Variants in ADIG observed in about 807,000 individuals in gnomAD.
ADIG encodes the protein adipogenesis associated.
ADIG carries 12 observed loss-of-function variants against 10.7 expected under a neutral mutation model. The observed-to-expected ratio is 1.12, with a 90% confidence interval of 0.72 to 1.82. ADIG has a LOEUF of 1.82. Ranked by LOEUF, ADIG falls within the 40% of genes most tolerant of loss-of-function variation. The probability of loss-of-function intolerance (pLI) is 0.00; values close to 1 mark genes in which losing one functional copy is unlikely to be tolerated. For synonymous variants in ADIG, 32 were observed against 35.6 expected (o/e 0.90, Z 0.36); for missense variants, 72 against 92.5 (o/e 0.78, Z 0.91).
chr20:38,586,534 C>T (rs2088638625), intron 2 of ADIG, among the ~76,000 whole-genome samples: 1 of 152,136 alleles, frequency 6.6e-6, no homozygotes, highest in Admixed American at 6.5e-5. Flanking sequence ...GTCCCACTGG[C>T]CACCCTATTC....
chr20:38,582,142 G>A (rs1273332459), intron 1 of ADIG, among the ~76,000 whole-genome samples: 2 of 152,188 alleles, frequency 1.3e-5, no homozygotes, highest in African/African-American at 4.8e-5. Context: ...GGACACAGTG[G>A]CTCACACCTG....
intron 1 of ADIG, among the ~76,000 whole-genome samples, chr20:38,582,653 G>A (rs923659427): frequency 3.3e-5 from 5 of 152,178 alleles, no homozygotes; most frequent in African/African-American, 9.7e-5. Flanking sequence ...TTTATTTAAA[G>A]TATATTCTCC....
rs936142518 is a variant in ADIG, at chr20:38,581,428, G to A, written c.124+54G>A. The A allele has an allele frequency of 1.7e-5, 27 of 1,609,924 alleles. No homozygotes were observed. In the Admixed American group the frequency reaches 2.0e-4, roughly 12 times the overall value. On this transcript the variant is annotated intron_variant, in intron 1 of 2. Transcript: ENST00000537425. ...CCCTAATCCTGGAGCTAGGCAGGGG[G>A]CCAAATAGGCCAGTGTGTCCTGAAA...
intron 2 of ADIG, 181 bp downstream of exon 2, chr20:38,586,342 C>A (rs1189820171): frequency 1.7e-6 from 1 of 587,688 alleles, no homozygotes; most frequent in Non-Finnish European, 3.0e-6. Context: ...CCTGGTGTTG[C>A]CCTGTTAAAG....
chr20:38,584,775 CCTA>C (rs1266586018), intron 1 of ADIG, among the ~76,000 whole-genome samples: 2 of 152,120 alleles, frequency 1.3e-5, no homozygotes, highest in Non-Finnish European at 2.9e-5. Context: ...TTCACGCTAT[CCTA>C]CTGACTTTTT....
chr20:38,585,802 C>T (rs369468905), intron 1 of ADIG: 15 of 608,182 alleles, frequency 2.5e-5, no homozygotes, highest in African/African-American at 7.4e-5. Flanking sequence ...CCTCTAGATA[C>T]GGCCATTTTC....
intron 1 of ADIG, among the ~76,000 whole-genome samples, chr20:38,582,506 ATGT>A (rs1298338396): frequency 3.3e-5 from 5 of 152,184 alleles, no homozygotes; most frequent in Admixed American, 2.0e-4. Context: ...CAATGGTCAG[ATGT>A]TGTTGAGGCA....
intron 1 of ADIG, among the ~76,000 whole-genome samples, chr20:38,581,945 C>T (rs2088594616): frequency 6.6e-6 from 1 of 152,224 alleles, no homozygotes; most frequent in Non-Finnish European, 1.5e-5. Context: ...TCATGGAAGC[C>T]AGCTGACATT....
rs766608262 is a variant in ADIG at position 38,588,336 on chromosome 20, C to T, written c.*250C>T. The T allele has an allele frequency of 4.8e-5, 63 of 1,303,334 alleles. No individual in the cohort carries two copies. Among genetic ancestry groups the T allele is most frequent in the Non-Finnish European group, 6.0e-5 (59 of 988,522 alleles). 80.7% of individuals were successfully genotyped at this position (1,303,334 alleles called of 1,614,324 possible). A position where few individuals can be genotyped will look rare whatever the true frequency, so the allele number is the denominator to read the frequency against. ...TCTGGGAGGGCATGGGAGCAGTGAG[C>T]AGGCCCATGGGGAGAAATTGGCCAA... On this transcript the variant is annotated 3_prime_UTR_variant, in exon 3 of 3. Coordinates refer to ENST00000537425, the MANE Select transcript of ADIG (RefSeq NM_001393816.1).
intron 1 of ADIG, among the ~76,000 whole-genome samples, chr20:38,584,339 A>G (rs1369853852): frequency 3.3e-5 from 5 of 152,204 alleles, no homozygotes; most frequent in African/African-American, 9.6e-5. Flanking sequence ...GAAGCCACAC[A>G]CACCCTTCAA....
rs556927650 is a variant in ADIG at position 38,586,224 on chromosome 20, A to G, written c.*14+63A>G. The G allele has an allele frequency of 7.8e-5, 107 of 1,377,450 alleles. No individual in the cohort carries two copies. The East Asian group carries it at 2.4e-3, about 30-fold the overall frequency. The allele number at this position is 1,377,450 out of a possible 1,614,324, so 85.3% of individuals were successfully genotyped here. ...CCACCCAAAGCCTTGGGCAGCTGCT[A>G]TGTGGGCAAGAGGCTGCCTCCACCA... On this transcript the variant is annotated intron_variant, in intron 2 of 2. Coordinates refer to ENST00000537425, the MANE Select transcript of ADIG (RefSeq NM_001393816.1).
chr20:38,587,443 C>A (rs1415555103), intron 2 of ADIG, among the ~76,000 whole-genome samples: 1 of 152,124 alleles, frequency 6.6e-6, no homozygotes, highest in East Asian at 1.9e-4. Context: ...CCTATGAATG[C>A]CCTCAGAGAT....
At chr20:38,581,403 C>T (rs776261368) in intron 1 of ADIG, 29 bp downstream of exon 1, 1 of 1,613,344 alleles carries the variant, frequency 6.2e-7, no homozygotes, top group East Asian at 2.2e-5. Context: ...CCAGGCAGGA[C>T]CCTAATCCTG....
At chr20:38,585,166 C>T (rs2088625493) in intron 1 of ADIG, among the ~76,000 whole-genome samples, 2 of 152,218 alleles carry the variant, frequency 1.3e-5, no homozygotes, top group South Asian at 2.1e-4. Context: ...CTTCGGTTAA[C>T]CCTCATCCTA....
intron 1 of ADIG, 107 bp downstream of exon 1, chr20:38,581,481 A>G: frequency 1.4e-6 from 2 of 1,481,346 alleles, no homozygotes; most frequent in Non-Finnish European, 1.8e-6. Context: ...TCCTTCAGTC[A>G]TTTTAAGTGC....
At chr20:38,582,816 T>A (rs987979790) in intron 1 of ADIG, among the ~76,000 whole-genome samples, 2 of 152,062 alleles carry the variant, frequency 1.3e-5, no homozygotes, top group African/African-American at 2.4e-5. Context: ...TCATCCTTTT[T>A]TTTTTATTTT....
intron 1 of ADIG, chr20:38,585,398 C>G: frequency 6.5e-7 from 1 of 1,547,272 alleles, no homozygotes; most frequent in Non-Finnish European, 8.7e-7. Flanking sequence ...CAAAAAGATC[C>G]TACATTTCTT....
At chr20:38,584,522 CCT>C (rs1035305145) in intron 1 of ADIG, among the ~76,000 whole-genome samples, 5 of 152,204 alleles carry the variant, frequency 3.3e-5, no homozygotes, top group South Asian at 2.1e-4. Context: ...GCCTTTAAAT[CCT>C]CTGAGTCCAA....
intron 1 of ADIG, among the ~76,000 whole-genome samples, chr20:38,582,468 G>A (rs955490751): frequency 3.3e-5 from 5 of 152,218 alleles, no homozygotes; most frequent in Non-Finnish European, 5.9e-5. Flanking sequence ...GGCAAGCTAG[G>A]CAGGGAGGGC....
Sources: allele counts gnomAD v4.1 joint callset (sites outside exome capture counted in the v4.1 genomes callset), GRCh38; gene constraint gnomAD v4.1.1; transcripts MANE v1.5; gene names NCBI Gene and HGNC (gene_info 2026-07-23, HGNC 2026-07-21).